Variants in ZDHHC11B observed in about 807,000 individuals in gnomAD.
ZDHHC11B encodes the protein zDHHC palmitoyltransferase 11B (putative).
ZDHHC11B carries 17 observed loss-of-function variants against 42.3 expected under a neutral mutation model. That is an observed-to-expected ratio of 0.40 (90% CI 0.27 to 0.60). ZDHHC11B has a LOEUF of 0.60. Ranked by LOEUF, ZDHHC11B falls within the 20% of genes least tolerant of loss-of-function variation. The pLI, the probability that ZDHHC11B is intolerant of heterozygous loss-of-function variation, is 0.41. For synonymous variants in ZDHHC11B, 123 were observed against 193.5 expected (o/e 0.64, Z 3.02); for missense variants, 262 against 463.2 (o/e 0.57, Z 3.99).
chr5:733,713 C>T (rs769211586), intron 11 of ZDHHC11B, 39 bp downstream of exon 11: 6 of 1,570,262 alleles, frequency 3.8e-6, no homozygotes, highest in East Asian at 4.5e-5. Flanking sequence ...CTGCACACGG[C>T]CCTGTCCTCA....
chr5:736,697 A>G (rs1289582233), intron 10 of ZDHHC11B, among the ~76,000 whole-genome samples: 8 of 135,842 alleles, frequency 5.9e-5, no homozygotes, highest in South Asian at 2.9e-4. Flanking sequence ...TGTAGAAATT[A>G]AATAACTGCT....
rs376570739 is a variant in ZDHHC11B at position 740,045 on chromosome 5, T to C, written c.935+1549A>G. ...CTCAAGAATGAAAAACCAAACATCGTAGTATCTCACTTATAAGTGGGAGCT... is the reference window on the plus strand; with the variant it reads ...CTCAAGAATGAAAAACCAAACATCGCAGTATCTCACTTATAAGTGGGAGCT... On this transcript the variant is annotated intron_variant, in intron 10 of 13. Coordinates refer to ENST00000508859, the MANE Select transcript of ZDHHC11B (RefSeq NM_001351303.2). Among the ~76,000 whole-genome samples, 16 of 151,154 alleles carry C rather than the reference T, an allele frequency of 1.1e-4. No homozygotes were observed. In the East Asian group the frequency reaches 2.7e-3, roughly 26 times the overall value.
intron 4 of ZDHHC11B, among the ~76,000 whole-genome samples, chr5:757,224 C>G (rs545079864): frequency 6.6e-6 from 1 of 152,066 alleles, no homozygotes; most frequent in Admixed American, 6.6e-5. Context: ...ACAGGGCAGC[C>G]CAGAGGCCCT....
At chr5:762,131 G>A (rs1285495194) in intron 4 of ZDHHC11B, among the ~76,000 whole-genome samples, 11 of 151,186 alleles carry the variant, frequency 7.3e-5, no homozygotes, top group Non-Finnish European at 1.2e-4. Context: ...AGCCCCAGAC[G>A]GCCACTCACA....
rs1443374841 is a variant in ZDHHC11B, at chr5:759,233, C to T, written c.223-3089G>A. Among the ~76,000 whole-genome samples, 8 of 151,834 alleles carry T rather than the reference C, an allele frequency of 5.3e-5. 1 individual carries two copies. The highest frequency in any genetic ancestry group is 7.3e-5 in the African/African-American group (3 of 41,284). On this transcript the variant is annotated intron_variant, in intron 4 of 13. Coordinates refer to ENST00000508859, the MANE Select transcript of ZDHHC11B (RefSeq NM_001351303.2). ...TCTGTATTTTGTAAATAAACGGCGC[C>T]GCAGCGCCAGCCCAGAACACACACC...
rs1193479692 is a variant in ZDHHC11B, at chr5:766,791, C to A, written c.129G>T (p.Val43=). The A allele has an allele frequency of 6.2e-7, 1 of 1,612,650 alleles. No homozygotes were observed. Among genetic ancestry groups the A allele is most frequent in the East Asian group, 2.2e-5 (1 of 44,854 alleles). The change falls in exon 4 of 14, where the codon GTG becomes GTT. Residue 43 remains valine, a synonymous_variant. Transcript: ENST00000508859. The part of the protein sequence containing the change: ...GWSLPLHYFR[V]VTWAVFVGLS... ...GGCCAACGAAGACAGCCCAAGTCAC[C>A]ACCCGGAAGTAGTGCAGGGGTAACG...
intron 1 of ZDHHC11B, among the ~76,000 whole-genome samples, chr5:773,428 A>G (rs1188087957): frequency 2.0e-5 from 3 of 151,852 alleles, no homozygotes; most frequent in African/African-American, 2.4e-5. Context: ...GTCCAAGGAC[A>G]AGCTCCCAGG....
chr5:767,472 T>C lies in ZDHHC11B; in HGVS notation c.-81A>G. ...ACTCGTCCGACTTCAAGTCGCCAAA[T>C]GCTGAATTATTCTGCATCGAAAGCG... On this transcript the variant is annotated 5_prime_UTR_variant, in exon 3 of 14. Coordinates refer to ENST00000508859, the MANE Select transcript of ZDHHC11B (RefSeq NM_001351303.2). The C allele has an allele frequency of 1.3e-6, 2 of 1,552,178 alleles. No individual in the cohort carries two copies. Among genetic ancestry groups the C allele is most frequent in the Non-Finnish European group, 1.8e-6 (2 of 1,131,334 alleles).
intron 7 of ZDHHC11B, 102 bp from the exon 8 acceptor site, chr5:748,661 A>G (rs3817058): frequency 0.094 from 107,446 of 1,146,514 alleles, 13,336 homozygotes; most frequent in East Asian, 0.37. Context: ...GGCGGCGTGG[A>G]GACAGCCAGC....
At position 766,794 on chromosome 5, in the gene ZDHHC11B, C is replaced by T. The variant is rs752251674; in HGVS notation, c.126G>A (p.Arg42=). The stretch of plus-strand genomic sequence containing the variant: ...CAACGAAGACAGCCCAAGTCACCAC[C>T]CGGAAGTAGTGCAGGGGTAACGACC... ...NGWSLPLHYF[R]VVTWAVFVGL... The change falls in exon 4 of 14, where the codon CGG becomes CGA. Residue 42 remains arginine (R), a synonymous_variant. Coordinates refer to ENST00000508859, the MANE Select transcript of ZDHHC11B (RefSeq NM_001351303.2). 5 of 1,612,674 alleles carry T rather than the reference C, an allele frequency of 3.1e-6. No individual in the cohort carries two copies. Among genetic ancestry groups the T allele is most frequent in the Middle Eastern group, 1.6e-4 (1 of 6,062 alleles).
At chr5:778,251 G>C (rs1736705564) in intron 1 of ZDHHC11B, among the ~76,000 whole-genome samples, 2 of 151,552 alleles carry the variant, frequency 1.3e-5, no homozygotes, top group African/African-American at 2.4e-5. Context: ...TCCCAAAAGG[G>C]AATAGAGATC....
chr5:763,502 G>A lies in ZDHHC11B; in HGVS notation c.222+3196C>T, dbSNP rs1734893632. ...TTATCAAAAGCCTTCCCACAAGGGA[G>A]ACTGTTGCACTTGGGGAAAAATCCA... On this transcript the variant is annotated intron_variant, in intron 4 of 13. Transcript: ENST00000508859. Among the ~76,000 whole-genome samples the A allele has an allele frequency of 2.6e-5, 4 of 151,864 alleles. No individual in the cohort carries two copies. In the South Asian group the frequency reaches 8.3e-4, roughly 32 times the overall value.
chr5:772,731 C>T (rs1332548921), intron 1 of ZDHHC11B, among the ~76,000 whole-genome samples: 1 of 151,936 alleles, frequency 6.6e-6, no homozygotes, highest in East Asian at 1.9e-4. Flanking sequence ...CAGCCCCAGC[C>T]TTTCTGCACC....
intron 10 of ZDHHC11B, among the ~76,000 whole-genome samples, chr5:741,257 A>T (rs1210412855): frequency 6.9e-6 from 1 of 144,970 alleles, no homozygotes; most frequent in African/African-American, 2.5e-5. Context: ...ACTATTAGAG[A>T]TCATAAGAAA....
chr5:758,780 T>G (rs1469403353), intron 4 of ZDHHC11B, among the ~76,000 whole-genome samples: 1 of 151,876 alleles, frequency 6.6e-6, no homozygotes, highest in African/African-American at 2.4e-5. Flanking sequence ...CACCGCACAC[T>G]AGGGTGCCCT....
Position 737,008 on chromosome 5 carries a change from C to T in ZDHHC11B, c.936-3169G>A, listed in dbSNP as rs1339933657. ...AAATTCAAACAAAAAAACAAAAAAACCACAAAAGATAAATCAAAAAGCCAG... is the reference window on the plus strand; with the variant it reads ...AAATTCAAACAAAAAAACAAAAAAATCACAAAAGATAAATCAAAAAGCCAG... On this transcript the variant is annotated intron_variant, in intron 10 of 13. Coordinates refer to ENST00000508859, the MANE Select transcript of ZDHHC11B (RefSeq NM_001351303.2). Among the ~76,000 whole-genome samples, 9 of 145,988 alleles carry T rather than the reference C, an allele frequency of 6.2e-5. No homozygotes were observed. The Admixed American group carries it at 6.4e-4, about 10-fold the overall frequency.
rs1193469321 is a variant in ZDHHC11B, at chr5:766,512, C to T, written c.222+186G>A. ...TGTGGGGTCAGCAGCTGTCCTGACC[C>T]TGAGCAGGGGCTGCACAGAGCACGA... On this transcript the variant is annotated intron_variant, in intron 4 of 13. Transcript: ENST00000508859. Among the ~76,000 whole-genome samples, 6 of 151,834 alleles carry T rather than the reference C, an allele frequency of 4.0e-5. 1 individual carries two copies. Among genetic ancestry groups the T allele is most frequent in the Non-Finnish European group, 8.8e-5 (6 of 67,908 alleles).
intron 12 of ZDHHC11B, among the ~76,000 whole-genome samples, chr5:728,009 T>C (rs1742721613): frequency 6.7e-6 from 1 of 150,068 alleles, no homozygotes; most frequent in Non-Finnish European, 1.5e-5. Context: ...AAGAAATACG[T>C]TGGAAACACA....
At chr5:779,204 A>T (rs1471120723) in intron 1 of ZDHHC11B, among the ~76,000 whole-genome samples, 1 of 151,492 alleles carries the variant, frequency 6.6e-6, no homozygotes, top group African/African-American at 2.4e-5. Flanking sequence ...CAGAAGCTAG[A>T]AGAGGCAGGG....
Sources: allele counts gnomAD v4.1 joint callset (sites outside exome capture counted in the v4.1 genomes callset), GRCh38; gene constraint gnomAD v4.1.1; transcripts MANE v1.5; gene names NCBI Gene and HGNC (gene_info 2026-07-23, HGNC 2026-07-21).